The following OGFOD1 variants were observed in gnomAD, a reference collection of about 807,000 sequenced individuals.
OGFOD1 encodes prolyl 3-hydroxylase OGFOD1.
OGFOD1 carries 54 observed loss-of-function variants against 67.7 expected under a neutral mutation model. That is an observed-to-expected ratio of 0.80 (90% confidence interval 0.64 to 1.00). The LOEUF is 1.00. Among genes scored for constraint, OGFOD1 ranks in the 50% least tolerant of loss-of-function variants. The probability of loss-of-function intolerance (pLI) is 0.00; values close to 1 mark genes in which losing one functional copy is unlikely to be tolerated. For synonymous variants in OGFOD1, 221 were observed against 227.0 expected (o/e 0.97, Z 0.24); for missense variants, 606 against 646.7 (o/e 0.94, Z 0.68).
At chr16:56,474,677 A>T (rs1430282022) in intron 10 of OGFOD1, 151 bp from the exon 11 acceptor site, 1 of 607,868 alleles carries the variant, frequency 1.6e-6, no homozygotes, top group Non-Finnish European at 2.7e-6. Context: ...ATCTTTTATA[A>T]GGCTGGATTG....
chr16:56,462,338 T>C (rs1962738344), intron 3 of OGFOD1, among the ~76,000 whole-genome samples, 196 bp from the exon 4 acceptor site: 1 of 152,178 alleles, frequency 6.6e-6, no homozygotes, highest in Admixed American at 6.5e-5. Context: ...CATTTATTTT[T>C]CTGGGAACAT....
At chr16:56,463,401 T>G (rs1234438289) in intron 4 of OGFOD1, among the ~76,000 whole-genome samples, 3 of 136,130 alleles carry the variant, frequency 2.2e-5, no homozygotes, top group East Asian at 2.1e-4. Context: ...TTTTTTTTTT[T>G]TTTTTTTTTT....
intron 6 of OGFOD1, 48 bp downstream of exon 6, chr16:56,467,015 A>G: frequency 6.5e-7 from 1 of 1,539,080 alleles, no homozygotes; most frequent in African/African-American, 1.4e-5. Context: ...ATGTTTTTTA[A>G]TCACCCATTA....
At chr16:56,469,701 T>A (rs1228162027) in intron 8 of OGFOD1, among the ~76,000 whole-genome samples, 1 of 151,738 alleles carries the variant, frequency 6.6e-6, no homozygotes, top group East Asian at 1.9e-4. Context: ...AAATACAAAA[T>A]TAGCCAGGCG....
At chr16:56,454,853 C>T in intron 2 of OGFOD1, 1 of 400,970 alleles carries the variant, frequency 2.5e-6, no homozygotes, top group Non-Finnish European at 4.9e-6. Flanking sequence ...ACTGAATTAA[C>T]CAGGATAAAT....
intron 8 of OGFOD1, among the ~76,000 whole-genome samples, chr16:56,468,328 G>GCTTCTT (rs1203064544): frequency 7.9e-5 from 12 of 152,142 alleles, no homozygotes; most frequent in Middle Eastern, 3.2e-3. Context: ...CAAATATGGT[G>GCTTCTT]CTTCTTATTA....
chr16:56,453,533 C>T, intron 2 of OGFOD1, 125 bp downstream of exon 2: 1 of 849,950 alleles, frequency 1.2e-6, no homozygotes, highest in Non-Finnish European at 1.8e-6. Context: ...CATTGACATT[C>T]TTAAGAGCAT....
intron 10 of OGFOD1, among the ~76,000 whole-genome samples, chr16:56,471,142 A>G (rs1480681061): frequency 2.6e-5 from 4 of 151,812 alleles, no homozygotes; most frequent in Non-Finnish European, 4.4e-5. Context: ...ACCTGAGGCC[A>G]GGAGTTCGAG....
At chr16:56,475,483 T>C (rs774213733) in intron 11 of OGFOD1, 24 bp from the exon 12 acceptor site, 2 of 1,611,194 alleles carry the variant, frequency 1.2e-6, no homozygotes, top group South Asian at 1.1e-5. Context: ...GCTTTCTGAA[T>C]GCTGTTTGTT....
At chr16:56,471,201 A>G (rs1447882927) in intron 10 of OGFOD1, among the ~76,000 whole-genome samples, 1 of 151,452 alleles carries the variant, frequency 6.6e-6, no homozygotes, top group Non-Finnish European at 1.5e-5. Flanking sequence ...AAAATACAAA[A>G]AAAAAAAAAA....
intron 4 of OGFOD1, 72 bp downstream of exon 4, chr16:56,462,706 CTG>C: frequency 1.1e-6 from 1 of 896,254 alleles, no homozygotes; most frequent in Non-Finnish European, 1.8e-6. Flanking sequence ...GAGATGGTAT[CTG>C]TGTACCAAAA....
At chr16:56,472,613 C>T (rs374184235) in intron 10 of OGFOD1, among the ~76,000 whole-genome samples, 5 of 151,982 alleles carry the variant, frequency 3.3e-5, no homozygotes, top group South Asian at 2.1e-4. Context: ...AATAAAAATA[C>T]GTCAATTTCA....
chr16:56,463,845 C>CT (rs1962810458), intron 4 of OGFOD1, among the ~76,000 whole-genome samples: 1 of 151,964 alleles, frequency 6.6e-6, no homozygotes, highest in South Asian at 2.1e-4. Flanking sequence ...TCTATGACCC[C>CT]TGAATACTTC....
rs1388885424 is a variant in OGFOD1 at position 56,467,230 on chromosome 16, A to C, written c.723A>C (p.Ser241=). Residue 241 remains serine (S), a synonymous_variant, in exon 7 of 13, where the codon TCA becomes TCC. Coordinates refer to ENST00000566157, the MANE Select transcript of OGFOD1 (RefSeq NM_018233.4). ...LSISGWFHGP[S]LTRPPNYFEP... Reference sequence around the variant, plus strand: ...TAAGTGGCTGGTTTCATGGTCCATCATTGACTCGGCCTCCCAACTACTTTG... The same window carrying C: ...TAAGTGGCTGGTTTCATGGTCCATCCTTGACTCGGCCTCCCAACTACTTTG... 6.2e-7 allele frequency: 1 copy of C among 1,614,124 alleles called. No individual in the cohort carries two copies. Among genetic ancestry groups the C allele is most frequent in the Admixed American group, 1.7e-5 (1 of 60,020 alleles).
chr16:56,456,394 T>G (rs1596966234), intron 2 of OGFOD1, among the ~76,000 whole-genome samples: 2 of 152,324 alleles, frequency 1.3e-5, no homozygotes, highest in East Asian at 3.9e-4. Flanking sequence ...CTTTGATGTC[T>G]AATGAGTTTC....
In OGFOD1 at chr16:56,466,921, G is replaced by A. The variant is rs775839600; in HGVS notation, c.611G>A (p.Trp204Ter). 5 of 1,613,808 alleles carry A rather than the reference G, an allele frequency of 3.1e-6. No homozygotes were observed. In the Admixed American group the frequency reaches 8.3e-5, roughly 27 times the overall value. Residue 204 changes from tryptophan (W) to a stop codon, truncating the protein, a stop_gained, in exon 6 of 13, where the codon TGG (tryptophan) becomes TAG (stop). Coordinates refer to ENST00000566157, the MANE Select transcript of OGFOD1 (RefSeq NM_018233.4). LOFTEE classifies it high-confidence loss of function. ...KQIVKSLIPS[W>*]NKLVFFEVSP... ...ATTGTCAAGTCTCTTATCCCTTCGTGGAACAAACTGGTTTTCTTTGAAGTA... is the reference window on the plus strand; with the variant it reads ...ATTGTCAAGTCTCTTATCCCTTCGTAGAACAAACTGGTTTTCTTTGAAGTA...
chr16:56,466,798 T>C lies in OGFOD1; in HGVS notation c.566-78T>C. 5 of 1,074,574 alleles carry C rather than the reference T, an allele frequency of 4.7e-6. No homozygotes were observed. The South Asian group carries it at 6.4e-5, about 14-fold the overall frequency. 66.6% of individuals were successfully genotyped at this position (1,074,574 alleles called of 1,614,324 possible). ...GCACATCTAGATGCCCTCAGAAGTT[T>C]GGAAATTGTCAAGAGTAAAATGAGG... On this transcript the variant is annotated intron_variant, in intron 5 of 12. Coordinates refer to ENST00000566157, the MANE Select transcript of OGFOD1 (RefSeq NM_018233.4).
At chr16:56,465,960 TAG>T in intron 4 of OGFOD1, 190 bp from the exon 5 acceptor site, 1 of 510,174 alleles carries the variant, frequency 2.0e-6, no homozygotes, top group Non-Finnish European at 3.5e-6. Flanking sequence ...TCTTTATTTT[TAG>T]AGTTTTCTAT....
At chr16:56,470,123 A>G (rs750784587) in intron 9 of OGFOD1, 41 bp downstream of exon 9, 3 of 1,552,678 alleles carry the variant, frequency 1.9e-6, no homozygotes, top group Non-Finnish European at 2.7e-6. Context: ...TACATTCAGC[A>G]CCTATAACAT....
Sources: gnomAD v4.1 joint callset for allele counts (sites outside exome capture counted in the v4.1 genomes callset) on GRCh38, gnomAD v4.1.1 for gene constraint, MANE v1.5 for transcripts, NCBI Gene and HGNC (gene_info 2026-07-23, HGNC 2026-07-21) for gene names.